The following OSBPL10 variants were observed in gnomAD, a reference collection of about 807,000 sequenced individuals.
OSBPL10 encodes oxysterol binding protein like 10.
OSBPL10 carries 49 observed loss-of-function variants against 81.7 expected under a neutral mutation model. That is an observed-to-expected ratio of 0.60 (90% confidence interval 0.48 to 0.76). The LOEUF (loss-of-function observed/expected upper bound fraction) is 0.76, where lower values mean the gene tolerates loss of function less well. OSBPL10 is among the 30% of genes least tolerant of loss of function. The probability of loss-of-function intolerance (pLI) is 0.00; values close to 1 mark genes in which losing one functional copy is unlikely to be tolerated. For missense variants in OSBPL10, 923 were observed against 987.8 expected, an observed-to-expected ratio of 0.93 and a Z score of 0.88; for synonymous variants, 419 against 383.6, an observed-to-expected ratio of 1.09 and a Z score of -1.08.
intron 4 of OSBPL10, among the ~76,000 whole-genome samples, chr3:31,790,865 A>G (rs893308282): frequency 2.0e-5 from 3 of 152,226 alleles, no homozygotes; most frequent in African/African-American, 7.2e-5. Flanking sequence ...TCTACTGCAT[A>G]TGTGTCGGAA....
chr3:31,892,882 G>C (rs1695938386), intron 1 of OSBPL10, among the ~76,000 whole-genome samples: 1 of 152,170 alleles, frequency 6.6e-6, no homozygotes, highest in South Asian at 2.1e-4. Context: ...GATTTAATTG[G>C]GAATTTCAGG....
At chr3:31,869,457 C>CA (rs1701265928) in intron 3 of OSBPL10, among the ~76,000 whole-genome samples, 1 of 152,158 alleles carries the variant, frequency 6.6e-6, no homozygotes, top group South Asian at 2.1e-4. Flanking sequence ...AAAATGAGTG[C>CA]AAAAGGCTGA....
chr3:31,811,108 C>A (rs1369974794), intron 4 of OSBPL10, among the ~76,000 whole-genome samples: 1 of 152,054 alleles, frequency 6.6e-6, no homozygotes, highest in African/African-American at 2.4e-5. Context: ...GGCGCCTTCT[C>A]CTGCAGTATT....
intron 2 of OSBPL10, chr3:31,990,614 G>T: frequency 6.2e-7 from 1 of 1,614,152 alleles, no homozygotes. Flanking sequence ...CCTTACAAGT[G>T]TAATGAATGT....
At chr3:31,674,506 G>A (rs1700404972) in intron 8 of OSBPL10, among the ~76,000 whole-genome samples, 1 of 152,038 alleles carries the variant, frequency 6.6e-6, no homozygotes, top group Non-Finnish European at 1.5e-5. Context: ...GCTGCAGTGA[G>A]CCATGGTCAC....
At chr3:31,722,130 T>A (rs978881732) in intron 6 of OSBPL10, among the ~76,000 whole-genome samples, 1 of 152,170 alleles carries the variant, frequency 6.6e-6, no homozygotes, top group Non-Finnish European at 1.5e-5. Context: ...CCCCTCAAAA[T>A]ACCCTTGAGA....
chr3:31,959,968 T>C lies in OSBPL10; in HGVS notation c.281+20931A>G, dbSNP rs566543777. ...TTCCTGGATTGTGACGTGGCCACTG[T>C]GCTACTTAAAATCAGGTTCTCTCAA... is the stretch of plus-strand genomic sequence containing the variant. On this transcript the variant is annotated intron_variant, in intron 1 of 11. Transcript: ENST00000396556. Among the ~76,000 whole-genome samples, 117 of 152,304 alleles carry C rather than the reference T, an allele frequency of 7.7e-4. 3 individuals are homozygous for C. In the South Asian group the frequency reaches 0.022, roughly 29 times the overall value.
rs1380890609 is a variant in OSBPL10 at position 32,006,204 on chromosome 3, T to C, written n.298+40287A>G. ...CAGGTGATCCCTCTGCCTCGGCCTC[T>C]CAAAGTGCTGGGATTACAGGCGTGA... On this transcript the variant is annotated intron_variant and non_coding_transcript_variant, in intron 2 of 3. Transcript: ENST00000479173. Among the ~76,000 whole-genome samples the C allele has an allele frequency of 2.6e-5, 4 of 151,666 alleles. No individual in the cohort carries two copies. The East Asian group carries it at 7.8e-4, about 30-fold the overall frequency.
chr3:31,696,021 A>G (rs1441272627), intron 7 of OSBPL10, among the ~76,000 whole-genome samples: 2 of 152,226 alleles, frequency 1.3e-5, no homozygotes, highest in African/African-American at 4.8e-5. Flanking sequence ...ATGAGAAAAC[A>G]GAGGCACTCA....
intron 5 of OSBPL10, among the ~76,000 whole-genome samples, chr3:31,742,884 A>G (rs562713705): frequency 6.6e-6 from 1 of 152,220 alleles, no homozygotes; most frequent in South Asian, 2.1e-4. Flanking sequence ...AGCACGGGGA[A>G]GGCACACATC....
chr3:32,020,716 A>G (rs1699356690), intron 2 of OSBPL10, among the ~76,000 whole-genome samples: 1 of 144,798 alleles, frequency 6.9e-6, no homozygotes, highest in Non-Finnish European at 1.5e-5. Context: ...TCTCCAGGAG[A>G]AAAAAAAAAA....
Position 31,731,579 on chromosome 3 carries a change from C to T in OSBPL10, c.1095+1678G>A, listed in dbSNP as rs1696973545. 2.0e-5 allele frequency among the ~76,000 whole-genome samples: 3 copies of T among 151,738 alleles called. No individual in the cohort carries two copies. The South Asian group carries it at 6.2e-4, about 32-fold the overall frequency. On this transcript the variant is annotated intron_variant, in intron 6 of 11. Transcript: ENST00000396556. The stretch of plus-strand genomic sequence containing the variant: ...TCTTGGCTCACTGCAGCCTCTGCCT[C>T]CTGGGTTGAAGCGATTCTCCTGCCT...
At chr3:31,809,074 T>C (rs1042375307) in intron 4 of OSBPL10, among the ~76,000 whole-genome samples, 14 of 152,208 alleles carry the variant, frequency 9.2e-5, no homozygotes, top group African/African-American at 2.7e-4. Flanking sequence ...CAACCGCCAC[T>C]ACTATTTAGA....
chr3:31,833,710 C>A (rs1160811384), intron 3 of OSBPL10, among the ~76,000 whole-genome samples: 27 of 142,222 alleles, frequency 1.9e-4, no homozygotes, highest in Admixed American at 1.2e-3. Context: ...CACACGCACA[C>A]ACACACACAC....
At chr3:31,742,635 A>G (rs1218004092) in intron 5 of OSBPL10, among the ~76,000 whole-genome samples, 1 of 152,182 alleles carries the variant, frequency 6.6e-6, no homozygotes. Context: ...CTTACCTGGC[A>G]CTAGAATGAG....
At chr3:32,030,760 T>C (rs1197128524) in intron 2 of OSBPL10, 1 of 629,944 alleles carries the variant, frequency 1.6e-6, no homozygotes, top group Admixed American at 2.6e-5. Context: ...ACCCTTAAGT[T>C]ACATAAAATA....
intron 3 of OSBPL10, among the ~76,000 whole-genome samples, chr3:31,847,633 C>G (rs948810513): frequency 4.6e-5 from 7 of 152,092 alleles, no homozygotes; most frequent in African/African-American, 1.2e-4. Flanking sequence ...GACATAGACC[C>G]CTTCACACTC....
intron 7 of OSBPL10, chr3:31,700,203 T>C (rs992409930): frequency 3.3e-5 from 5 of 152,160 alleles, no homozygotes; most frequent in African/African-American, 1.2e-4. Context: ...CAACTGAGTA[T>C]TGGGAGAAAT....
At chr3:31,745,352 A>T (rs189098349) in intron 5 of OSBPL10, among the ~76,000 whole-genome samples, 1 of 152,348 alleles carries the variant, frequency 6.6e-6, no homozygotes, top group African/African-American at 2.4e-5. Context: ...ACTTACTCTT[A>T]AGTGGTTAGA....
Sources: allele counts gnomAD v4.1 joint callset (sites outside exome capture counted in the v4.1 genomes callset), GRCh38; gene constraint gnomAD v4.1.1; transcripts MANE v1.5; gene names NCBI Gene and HGNC (gene_info 2026-07-23, HGNC 2026-07-21).